Variants in FMN2 observed in about 807,000 individuals in gnomAD.
FMN2 encodes formin 2.
FMN2 carries 51 observed loss-of-function variants against 142.3 expected under a neutral mutation model. The ratio of observed to expected loss-of-function variants is 0.36; its 90% confidence interval spans 0.29 to 0.45. The LOEUF (loss-of-function observed/expected upper bound fraction) is 0.45. FMN2 is among the 20% of genes least tolerant of loss of function. The pLI is 1.00. For missense variants in FMN2, 1,936 were observed against 2,122.8 expected (o/e 0.91, Z 1.73); for synonymous variants, 882 against 869.8 (o/e 1.01, Z -0.25).
At position 240,464,664 on chromosome 1, in the gene FMN2, G is replaced by A. The variant is rs940786869; in HGVS notation, c.5061-7708G>A. On this transcript the variant is annotated intron_variant, in intron 16 of 17. Coordinates refer to ENST00000319653, the MANE Select transcript of FMN2 (RefSeq NM_020066.5). The stretch of plus-strand genomic sequence containing the variant: ...TTCATGTGTTACTGTGAAGGGAAAG[G>A]AATACGATGTGTGTAAGGCATCCGT... Among the ~76,000 whole-genome samples the A allele has an allele frequency of 3.9e-5, 6 of 152,168 alleles. No homozygotes were observed. In the South Asian group the frequency reaches 1.0e-3, roughly 26 times the overall value.
chr1:240,323,933 G>A (rs142216288), intron 8 of FMN2, among the ~76,000 whole-genome samples: 1 of 152,230 alleles, frequency 6.6e-6, no homozygotes, highest in East Asian at 1.9e-4. Flanking sequence ...GCAGCTCTCC[G>A]AATGTTCCAA....
In FMN2 at chr1:240,092,494, G is replaced by T. The variant is rs779340539; in HGVS notation, c.385G>T (p.Gly129Cys). 1.9e-6 allele frequency: 3 copies of T among 1,607,002 alleles called. No homozygotes were observed. Among genetic ancestry groups the T allele is most frequent in the Non-Finnish European group, 2.5e-6 (3 of 1,176,858 alleles). The change falls in exon 1 of 18, where the codon GGC (glycine) becomes TGC (cysteine). Residue 129 changes from glycine to cysteine, a missense_variant. This residue lies in a region of FMN2 where 751 missense variants were observed against 791.8 expected (regional missense o/e 0.95). Coordinates refer to ENST00000319653, the MANE Select transcript of FMN2 (RefSeq NM_020066.5). ...PDLSLSADEA[G>C]LSDTECADPF... ...CCTCAGCCTCTCGGCGGACGAGGCC[G>T]GCCTGTCGGATACCGAGTGTGCGGA...
Position 240,123,254 on chromosome 1 carries a change from G to T in FMN2, c.1691G>T (p.Arg564Leu). The T allele has an allele frequency of 6.2e-7, 1 of 1,614,102 alleles. No homozygotes were observed. The highest frequency in any genetic ancestry group is 8.5e-7 in the Non-Finnish European group (1 of 1,180,012). The change falls in exon 2 of 18, where the codon CGG becomes CTG. Residue 564 changes from arginine to leucine, a missense_variant. Arg to Leu is a moderately radical substitution (Grantham distance 102). Coordinates refer to ENST00000319653, the MANE Select transcript of FMN2 (RefSeq NM_020066.5). ...GAAGAAGCAGAGAAGTTTTGCTCCC[G>T]GATCATTGCCATGGGTCTTCTCCTT... ...PPEEAEKFCSRIIAMGLLLPF... is the reference protein window; with the variant it reads ...PPEEAEKFCSLIIAMGLLLPF...
intron 2 of FMN2, chr1:240,145,510 ATTTTTC>A (rs1348056697): frequency 5.6e-4 from 121 of 215,276 alleles, no homozygotes; most frequent in South Asian, 2.7e-3. Context: ...CAATGAGGCA[ATTTTTC>A]TTTTTCTTTT....
intron 15 of FMN2, among the ~76,000 whole-genome samples, chr1:240,429,430 TTCTC>T (rs1178149150): frequency 6.6e-6 from 1 of 151,898 alleles, no homozygotes; most frequent in Non-Finnish European, 1.5e-5. Context: ...CCACTTCTCT[TTCTC>T]TCTCTCTCTG....
At chr1:240,339,742 A>G (rs1215423554) in intron 13 of FMN2, among the ~76,000 whole-genome samples, 1 of 152,126 alleles carries the variant, frequency 6.6e-6, no homozygotes, top group African/African-American at 2.4e-5. Context: ...ATGTGCATAC[A>G]TACATGAATT....
intron 13 of FMN2, among the ~76,000 whole-genome samples, chr1:240,348,207 T>TCTG: frequency 1.2e-5 from 1 of 82,524 alleles, no homozygotes; most frequent in Non-Finnish European, 2.1e-5. Flanking sequence ...CTTGCCAGTA[T>TCTG]ATGTTGTTTT....
chr1:240,414,447 T>C (rs1444132261), intron 15 of FMN2, among the ~76,000 whole-genome samples: 1 of 152,200 alleles, frequency 6.6e-6, no homozygotes, highest in African/African-American at 2.4e-5. Flanking sequence ...GCTGAATGCT[T>C]TGTGAGTAAT....
At chr1:240,120,360 A>G (rs912848899) in intron 1 of FMN2, among the ~76,000 whole-genome samples, 1 of 152,224 alleles carries the variant, frequency 6.6e-6, no homozygotes, top group Non-Finnish European at 1.5e-5. Context: ...AAAATATGCG[A>G]CAGAGACCTT....
At chr1:240,110,666 T>C (rs1661776986) in intron 1 of FMN2, among the ~76,000 whole-genome samples, 1 of 152,164 alleles carries the variant, frequency 6.6e-6, no homozygotes, top group African/African-American at 2.4e-5. Flanking sequence ...TTAGCTACAG[T>C]GTGGAAGAAT....
intron 16 of FMN2, among the ~76,000 whole-genome samples, chr1:240,445,702 G>GTT (rs34849609): frequency 0.28 from 39,955 of 143,186 alleles, 5,634 homozygotes; most frequent in African/African-American, 0.34. Context: ...CCATCAAAGG[G>GTT]TTTTTTTTTT....
intron 6 of FMN2, among the ~76,000 whole-genome samples, chr1:240,212,733 G>GT (rs536228709): frequency 3.3e-4 from 50 of 152,274 alleles, no homozygotes; most frequent in African/African-American, 7.2e-4. Context: ...CTGAATCATC[G>GT]TATCTCCTCT....
At chr1:240,413,104 C>A (rs1674455510) in intron 15 of FMN2, among the ~76,000 whole-genome samples, 1 of 91,148 alleles carries the variant, frequency 1.1e-5, no homozygotes, top group African/African-American at 4.4e-5. Context: ...GCCTGGGCGA[C>A]AAAGCGAGAC....
At chr1:240,392,272 A>G (rs1444726781) in intron 14 of FMN2, among the ~76,000 whole-genome samples, 1 of 152,076 alleles carries the variant, frequency 6.6e-6, no homozygotes, top group Non-Finnish European at 1.5e-5. Context: ...AGAATCTGAA[A>G]TTTTTGATTA....
intron 16 of FMN2, among the ~76,000 whole-genome samples, chr1:240,456,754 C>T (rs983761008): frequency 1.3e-5 from 2 of 152,174 alleles, no homozygotes; most frequent in Admixed American, 6.5e-5. Context: ...CTGCACCCGG[C>T]GGAAGAGTGC....
At chr1:240,121,464 C>T (rs899789269) in intron 1 of FMN2, among the ~76,000 whole-genome samples, 1 of 151,012 alleles carries the variant, frequency 6.6e-6, no homozygotes, top group African/African-American at 2.4e-5. Flanking sequence ...CAAGCTCCGT[C>T]TCCCGGGTTC....
intron 2 of FMN2, among the ~76,000 whole-genome samples, chr1:240,127,579 G>A (rs1351649175): frequency 6.6e-6 from 1 of 151,988 alleles, no homozygotes. Flanking sequence ...CTGGGCTCAA[G>A]CGATCCTTCC....
intron 16 of FMN2, among the ~76,000 whole-genome samples, chr1:240,445,705 T>TTG (rs1378811898): frequency 3.1e-4 from 47 of 151,398 alleles, no homozygotes; most frequent in African/African-American, 8.7e-4. Context: ...TCAAAGGGTT[T>TTG]TTTTTTTTTT....
intron 8 of FMN2, among the ~76,000 whole-genome samples, chr1:240,306,658 A>G (rs1366558756): frequency 6.6e-6 from 1 of 152,216 alleles, no homozygotes; most frequent in Admixed American, 6.5e-5. Context: ...GTTGATGGAC[A>G]TCTAGGTTTA....
Sources: gnomAD v4.1 joint callset for allele counts (sites outside exome capture counted in the v4.1 genomes callset) on GRCh38, gnomAD v4.1.1 for gene constraint, gnomAD v4.1.1 regional missense constraint, MANE v1.5 for transcripts, NCBI Gene and HGNC (gene_info 2026-07-23, HGNC 2026-07-21) for gene names.